The following DYNC2H1 variants were observed in gnomAD, a reference collection of about 807,000 sequenced individuals.
DYNC2H1 encodes the protein cytoplasmic dynein 2 heavy chain 1.
Under a neutral mutation model 570.0 loss-of-function variants are expected in DYNC2H1, and 410 were observed. The observed-to-expected ratio is 0.72, with a 90% CI of 0.66 to 0.78. DYNC2H1 has a LOEUF of 0.78. DYNC2H1 is among the 30% of genes least tolerant of loss of function. The pLI is 0.00. For synonymous variants in DYNC2H1, 1,688 were observed against 1,677.6 expected (o/e 1.01, Z -0.15); for missense variants, 4,865 against 5,046.4 (o/e 0.96, Z 1.09).
chr11:103,120,732 C>T lies in DYNC2H1; in HGVS notation c.1178C>T (p.Ala393Val), dbSNP rs777978053. The T allele has an allele frequency of 2.1e-5, 34 of 1,608,062 alleles. No individual in the cohort carries two copies. Among genetic ancestry groups the T allele is most frequent in the Admixed American group, 5.1e-5 (3 of 59,098 alleles). Residue 393 changes from alanine (A) to valine (V), a missense_variant, in exon 8 of 89, where the codon GCA (alanine) becomes GTA (valine). Ala to Val is a moderately conservative substitution (Grantham distance 64). Transcript: ENST00000375735. ...GTGTCTCAATATGAAAAGATTATTG[C>T]ACCTGCGGAACAAAAAATAGCAGGA... ...AAVSQYEKII[A>V]PAEQKIAGKL...
intron 10 of DYNC2H1, 23 bp from the exon 11 acceptor site, chr11:103,122,802 T>C: frequency 1.3e-6 from 2 of 1,599,024 alleles, no homozygotes; most frequent in Non-Finnish European, 1.7e-6. Flanking sequence ...ATAATGCACA[T>C]GTCTGTAATT....
intron 85 of DYNC2H1, among the ~76,000 whole-genome samples, chr11:103,440,588 T>G (rs1054497710): frequency 1.3e-5 from 2 of 151,686 alleles, no homozygotes; most frequent in African/African-American, 2.4e-5. Context: ...TTGTTATTAG[T>G]AAATACCACT....
intron 75 of DYNC2H1, among the ~76,000 whole-genome samples, chr11:103,295,915 A>G (rs1407915540): frequency 6.6e-6 from 1 of 152,162 alleles, no homozygotes; most frequent in Non-Finnish European, 1.5e-5. Context: ...TGCCCTCGAT[A>G]AAATCCTCCT....
chr11:103,310,434 T>C (rs1040997610), intron 78 of DYNC2H1, among the ~76,000 whole-genome samples: 2 of 152,072 alleles, frequency 1.3e-5, no homozygotes, highest in African/African-American at 4.8e-5. Flanking sequence ...CAGTCTGTAC[T>C]TATATGTGAT....
At chr11:103,402,647 C>T (rs556218602) in intron 84 of DYNC2H1, 5 of 152,028 alleles carry the variant, frequency 3.3e-5, no homozygotes, top group Admixed American at 1.3e-4. Flanking sequence ...TGAATAAGGG[C>T]TATGGCGAAT....
intron 84 of DYNC2H1, chr11:103,402,991 A>T (rs935447930): frequency 6.6e-6 from 1 of 152,146 alleles, no homozygotes; most frequent in African/African-American, 2.4e-5. Context: ...TAGTTGGTAT[A>T]AATGAGTAGG....
intron 82 of DYNC2H1, among the ~76,000 whole-genome samples, chr11:103,355,998 C>G (rs1227772939): frequency 6.6e-6 from 1 of 152,206 alleles, no homozygotes; most frequent in Non-Finnish European, 1.5e-5. Flanking sequence ...GTGTGAACCA[C>G]TGTGCCTGGC....
chr11:103,126,475 C>A (rs1175750901), intron 12 of DYNC2H1, among the ~76,000 whole-genome samples: 3 of 152,220 alleles, frequency 2.0e-5, no homozygotes, highest in East Asian at 3.9e-4. Flanking sequence ...AATATCAGGC[C>A]TTGTGGTAGA....
intron 58 of DYNC2H1, 128 bp from the exon 59 acceptor site, chr11:103,222,837 G>T: frequency 9.9e-7 from 1 of 1,010,758 alleles, no homozygotes. Context: ...TTTTATTTTA[G>T]CTATAAGCCA....
At chr11:103,118,533 A>C (rs1273216486) in intron 6 of DYNC2H1, among the ~76,000 whole-genome samples, 1 of 151,938 alleles carries the variant, frequency 6.6e-6, no homozygotes, top group East Asian at 1.9e-4. Context: ...TTTTAAATGG[A>C]ATATTTATAA....
intron 17 of DYNC2H1, among the ~76,000 whole-genome samples, chr11:103,141,524 C>T (rs1015231721): frequency 1.3e-5 from 2 of 152,186 alleles, no homozygotes; most frequent in African/African-American, 2.4e-5. Flanking sequence ...AGCAGATTTT[C>T]GTGAACCACG....
chr11:103,136,143 T>G (rs1859530114), intron 17 of DYNC2H1, among the ~76,000 whole-genome samples, 195 bp downstream of exon 17: 1 of 150,578 alleles, frequency 6.6e-6, no homozygotes, highest in African/African-American at 2.4e-5. Flanking sequence ...TGGGAAAGAT[T>G]TTTTTTTTGT....
At position 103,156,517 on chromosome 11, in the gene DYNC2H1, A is replaced by G. The variant is rs562168156; in HGVS notation, c.3874A>G (p.Ile1292Val). 1.9e-6 allele frequency: 3 copies of G among 1,613,832 alleles called. No individual in the cohort carries two copies. Among genetic ancestry groups the G allele is most frequent in the Non-Finnish European group, 2.5e-6 (3 of 1,179,770 alleles). The change falls in exon 26 of 89, where the codon ATT becomes GTT. Residue 1292 changes from isoleucine (I) to valine (V), a missense_variant. By Grantham distance (29) the Ile-to-Val change is conservative. Transcript: ENST00000375735. ...CAGCCAAAGTCGAACTATGAAGCTG[A>G]TTAAAGACTGGAAAGATATAGTAAA... ...EDSQSRTMKL[I>V]KDWKDIVNQV...
intron 59 of DYNC2H1, among the ~76,000 whole-genome samples, chr11:103,224,249 C>A (rs1300259214): frequency 2.5e-5 from 1 of 39,836 alleles, no homozygotes; most frequent in East Asian, 5.1e-4. Flanking sequence ...GGTTTATGTT[C>A]TTTTAAAAAA....
At chr11:103,158,620 T>C in intron 26 of DYNC2H1, 57 bp from the exon 27 acceptor site, 2 of 1,432,670 alleles carry the variant, frequency 1.4e-6, no homozygotes, top group Non-Finnish European at 9.4e-7. Flanking sequence ...TAATCTGTTT[T>C]TCTTACCCCC....
chr11:103,475,270 T>C (rs549574969), intron 88 of DYNC2H1, among the ~76,000 whole-genome samples: 4 of 152,190 alleles, frequency 2.6e-5, no homozygotes, highest in Non-Finnish European at 4.4e-5. Flanking sequence ...ATGTGAATTA[T>C]TTGAAGTCTT....
rs960121296 is a variant in DYNC2H1 at position 103,299,838 on chromosome 11, A to G, written c.11096-3255A>G. ...AGGGCTTAGGATTCTTGAAAGAGGT[A>G]TCTTTAGAATTCTGCCTACCACAAT... is the stretch of plus-strand genomic sequence containing the variant. On this transcript the variant is annotated intron_variant, in intron 75 of 88. Coordinates refer to ENST00000375735, the MANE Select transcript of DYNC2H1 (RefSeq NM_001377.3). This position sits in a 1 kb window ranked among gnomAD's most constrained non-coding sequence, Gnocchi z 4.5. Among the ~76,000 whole-genome samples the G allele has an allele frequency of 6.6e-6, 1 of 152,058 alleles. No homozygotes were observed. Among genetic ancestry groups the G allele is most frequent in the South Asian group, 2.1e-4 (1 of 4,830 alleles).
At chr11:103,406,980 TATTG>T (rs1942888331) in intron 84 of DYNC2H1, 1 of 151,922 alleles carries the variant, frequency 6.6e-6, no homozygotes. Context: ...TAATAGTATT[TATTG>T]TTCATTGTCC....
intron 70 of DYNC2H1, among the ~76,000 whole-genome samples, chr11:103,276,745 T>C (rs1381079942): frequency 2.0e-5 from 3 of 152,152 alleles, no homozygotes; most frequent in African/African-American, 7.2e-5. Context: ...TTATTATTTA[T>C]GATAGACTTT....
Sources: allele counts gnomAD v4.1 joint callset (sites outside exome capture counted in the v4.1 genomes callset), GRCh38; gene constraint gnomAD v4.1.1; non-coding constraint Gnocchi (gnomAD v3.1); transcripts MANE v1.5; gene names NCBI Gene and HGNC (gene_info 2026-07-23, HGNC 2026-07-21).